The following HOMER1 variants were observed in gnomAD, a reference collection of about 807,000 sequenced individuals.
The protein encoded by HOMER1 is homer protein homolog 1.
A neutral mutation model predicts 48.9 loss-of-function variants in HOMER1; 3 were observed. The observed-to-expected ratio is 0.06, with a 90% confidence interval of 0.03 to 0.16. The LOEUF (loss-of-function observed/expected upper bound fraction) is 0.16, where lower values mean the gene tolerates loss of function less well. HOMER1 is among the 10% of genes least tolerant of loss of function. The pLI, the probability that HOMER1 is intolerant of heterozygous loss-of-function variation, is 1.00. For synonymous variants in HOMER1, 134 were observed against 146.4 expected (o/e 0.92, Z 0.61); for missense variants, 247 against 411.4 (o/e 0.60, Z 3.46).
At chr5:79,455,426 TG>T (rs1248861352) in intron 2 of HOMER1, among the ~76,000 whole-genome samples, 1 of 152,144 alleles carries the variant, frequency 6.6e-6, no homozygotes, top group Admixed American at 6.5e-5. Context: ...CGAGATCTGA[TG>T]GTTTTATACG....
intron 1 of HOMER1, among the ~76,000 whole-genome samples, chr5:79,483,959 T>G (rs1035711176): frequency 2.1e-5 from 3 of 143,272 alleles, no homozygotes; most frequent in African/African-American, 7.8e-5. Flanking sequence ...AGCAGGAGAG[T>G]TGCTTGAACC....
chr5:79,380,002 C>T (rs1748924689), intron 8 of HOMER1, among the ~76,000 whole-genome samples: 1 of 152,092 alleles, frequency 6.6e-6, no homozygotes, highest in Non-Finnish European at 1.5e-5. Context: ...GAAATAGTGA[C>T]TAATCATACT....
At chr5:79,492,458 C>T (rs988826322) in intron 1 of HOMER1, among the ~76,000 whole-genome samples, 15 of 151,562 alleles carry the variant, frequency 9.9e-5, no homozygotes, top group African/African-American at 3.1e-4. Flanking sequence ...GTGCTTATAC[C>T]AATCAATTAA....
chr5:79,513,520 G>A lies in HOMER1; in HGVS notation c.-746C>T, dbSNP rs1347749981. On this transcript the variant is annotated 5_prime_UTR_variant, in exon 1 of 9. Coordinates refer to ENST00000334082, the MANE Select transcript of HOMER1 (RefSeq NM_004272.5). Reference sequence around the variant, plus strand: ...GCCATTTCCAGGCTGGCAGCAGGCTGGGGGCGCAGCGCACGCCGGAGAGCT... The same window carrying A: ...GCCATTTCCAGGCTGGCAGCAGGCTAGGGGCGCAGCGCACGCCGGAGAGCT... 6.6e-6 allele frequency: 1 copy of A among 152,590 alleles called. No individual in the cohort carries two copies. 9.5% of individuals were successfully genotyped at this position (152,590 alleles called of 1,614,324 possible).
At chr5:79,451,283 TG>T (rs1751019351) in intron 2 of HOMER1, among the ~76,000 whole-genome samples, 162 bp from the exon 3 acceptor site, 1 of 152,200 alleles carries the variant, frequency 6.6e-6, no homozygotes, top group Admixed American at 6.5e-5. Context: ...TAAGTGATAG[TG>T]TGGAAATATG....
intron 8 of HOMER1, among the ~76,000 whole-genome samples, chr5:79,384,691 CA>C (rs1404365264): frequency 2.6e-5 from 4 of 151,768 alleles, no homozygotes; most frequent in African/African-American, 7.3e-5. Flanking sequence ...AAAGATACAA[CA>C]AAAAAAGAAA....
intron 5 of HOMER1, among the ~76,000 whole-genome samples, chr5:79,438,443 G>C (rs188772998): frequency 6.6e-6 from 1 of 152,138 alleles, no homozygotes; most frequent in African/African-American, 2.4e-5. Context: ...AAATTCAAAA[G>C]CAAGTGAAGA....
intron 2 of HOMER1, among the ~76,000 whole-genome samples, chr5:79,456,482 A>G (rs1306518404): frequency 1.3e-5 from 2 of 152,232 alleles, no homozygotes; most frequent in African/African-American, 2.4e-5. Context: ...TAGGGACTTT[A>G]AACTGCTACT....
In HOMER1 at chr5:79,478,601, T is replaced by C. The variant is rs376023261; in HGVS notation, c.6-21583A>G. On this transcript the variant is annotated intron_variant, in intron 1 of 8. Coordinates refer to ENST00000334082, the MANE Select transcript of HOMER1 (RefSeq NM_004272.5). Reference sequence around the variant, plus strand: ...CCTGGATCATTTTAAACTCACACTTTGTGCAATGACCTTAAGTTGCCTTAA... The same window carrying C: ...CCTGGATCATTTTAAACTCACACTTCGTGCAATGACCTTAAGTTGCCTTAA... Among the ~76,000 whole-genome samples, 12 of 152,188 alleles carry C rather than the reference T, an allele frequency of 7.9e-5. No homozygotes were observed. The East Asian group carries it at 1.4e-3, about 17-fold the overall frequency.
At chr5:79,498,775 C>T (rs562968349) in intron 1 of HOMER1, among the ~76,000 whole-genome samples, 2 of 151,452 alleles carry the variant, frequency 1.3e-5, no homozygotes, top group South Asian at 2.1e-4. Flanking sequence ...ACAACTACCT[C>T]GGGATGATTC....
At chr5:79,485,851 CTT>C (rs141276749) in intron 1 of HOMER1, among the ~76,000 whole-genome samples, 2,017 of 152,260 alleles carry the variant, frequency 0.013, 36 homozygotes, top group African/African-American at 0.046. Flanking sequence ...TCCTGTCCCT[CTT>C]TTAGAACACC....
intron 1 of HOMER1, among the ~76,000 whole-genome samples, chr5:79,488,922 C>T (rs886200317): frequency 1.3e-4 from 20 of 152,266 alleles, no homozygotes; most frequent in African/African-American, 4.8e-4. Context: ...GCCAAACAGC[C>T]TCTTAAAATG....
At chr5:79,429,118 AG>A (rs777320483) in intron 5 of HOMER1, among the ~76,000 whole-genome samples, 4 of 152,182 alleles carry the variant, frequency 2.6e-5, no homozygotes, top group Non-Finnish European at 5.9e-5. Flanking sequence ...TAATTTGGGA[AG>A]CCAAGGCGGG....
chr5:79,461,801 A>T (rs1285293354), intron 1 of HOMER1, among the ~76,000 whole-genome samples: 1 of 152,172 alleles, frequency 6.6e-6, no homozygotes, highest in Admixed American at 6.5e-5. Flanking sequence ...TAACGACTAC[A>T]GTATTATTTC....
intron 1 of HOMER1, among the ~76,000 whole-genome samples, chr5:79,465,170 A>AT (rs1751421921): frequency 6.6e-6 from 1 of 152,062 alleles, no homozygotes; most frequent in African/African-American, 2.4e-5. Context: ...CCTCGCCTCC[A>AT]TAAAAAATTT....
chr5:79,490,421 C>T (rs948716920), intron 1 of HOMER1, among the ~76,000 whole-genome samples: 3 of 152,000 alleles, frequency 2.0e-5, no homozygotes, highest in Non-Finnish European at 4.4e-5. Context: ...CTTTTCTGTA[C>T]TTTAACCAAT....
intron 1 of HOMER1, among the ~76,000 whole-genome samples, chr5:79,511,707 CAA>C (rs1318620011): frequency 3.3e-5 from 5 of 152,214 alleles, no homozygotes; most frequent in African/African-American, 1.2e-4. Context: ...TCTAAATTTT[CAA>C]AGTTATGCAT....
At chr5:79,457,711 G>A (rs1350184805) in intron 1 of HOMER1, among the ~76,000 whole-genome samples, 2 of 152,146 alleles carry the variant, frequency 1.3e-5, no homozygotes, top group Admixed American at 6.5e-5. Flanking sequence ...GTATTGATTA[G>A]TTGATGAAAA....
intron 2 of HOMER1, among the ~76,000 whole-genome samples, chr5:79,456,161 A>T (rs1751172035): frequency 6.6e-6 from 1 of 151,796 alleles, no homozygotes; most frequent in African/African-American, 2.4e-5. Context: ...AAAAAAAAAA[A>T]AAGGGATCCC....
Sources: gnomAD v4.1 joint callset for allele counts (sites outside exome capture counted in the v4.1 genomes callset) on GRCh38, gnomAD v4.1.1 for gene constraint, MANE v1.5 for transcripts, NCBI Gene and HGNC (gene_info 2026-07-23, HGNC 2026-07-21) for gene names.